Variants in CYP1B1 observed in about 807,000 individuals in gnomAD.
CYP1B1 encodes the protein cytochrome P450 family 1 subfamily B member 1.
In CYP1B1, 22 loss-of-function variants were observed where a neutral mutation model predicts 29.9. The observed-to-expected ratio is 0.74, with a 90% CI of 0.53 to 1.05. CYP1B1 has a LOEUF of 1.05. Among genes scored for constraint, CYP1B1 ranks in the 50% least tolerant of loss-of-function variants. CYP1B1 has a pLI of 0.00. For missense variants in CYP1B1, 883 were observed against 746.9 expected, an observed-to-expected ratio of 1.18 and a Z score of -2.12; for synonymous variants, 375 against 320.0, an observed-to-expected ratio of 1.17 and a Z score of -1.83.
At chr2:38,071,887 T>G (rs2125315107) in intron 2 of CYP1B1, among the ~76,000 whole-genome samples, 2 of 152,344 alleles carry the variant, frequency 1.3e-5, no homozygotes, top group Non-Finnish European at 2.9e-5. Context: ...AAGTAAATTT[T>G]TTTTCTCCCT....
In CYP1B1 at chr2:38,070,938, G is replaced by A. The variant is rs763407370; in HGVS notation, c.1416C>T (p.Gly472=). Residue 472 remains glycine, a synonymous_variant, in exon 3 of 3, where the codon GGC becomes GGT. Transcript: ENST00000610745. ...IFSVGKRRCI[G]EELSKMQLFL... is the part of the protein sequence containing the mutation. ...AAAGCTGCATCTTAGAAAGTTCTTCGCCAATGCACCGCCTTTTGCCCACTG... is the reference window on the plus strand; with the variant it reads ...AAAGCTGCATCTTAGAAAGTTCTTCACCAATGCACCGCCTTTTGCCCACTG... 8.7e-6 allele frequency: 14 copies of A among 1,614,126 alleles called. No homozygotes were observed. The highest frequency in any genetic ancestry group is 1.0e-5 in the Non-Finnish European group (12 of 1,180,028).
In CYP1B1 at chr2:38,074,498, G is replaced by A. The variant is rs746045046; in HGVS notation, c.891C>T (p.Ile297=). 2.5e-6 allele frequency: 4 copies of A among 1,611,504 alleles called. No individual in the cohort carries two copies. Among genetic ancestry groups the A allele is most frequent in the Admixed American group, 3.4e-5 (2 of 59,560 alleles). The change falls in exon 2 of 3, where the codon ATC becomes ATT. Residue 297 remains isoleucine (I), a synonymous_variant. Transcript: ENST00000610745. ...AAPRDMMDAF[I]LSAEKKAAGD... Reference sequence around the variant, plus strand: ...CGGCCGCCTTCTTTTCCGCAGAGAGGATAAAGGCGTCCATCATGTCGCGGG... The same window carrying A: ...CGGCCGCCTTCTTTTCCGCAGAGAGAATAAAGGCGTCCATCATGTCGCGGG...
rs1201744306 is a variant in CYP1B1, at chr2:38,069,464, G to A, written c.*1258C>T. ...TCAACTGGAACTCAATAATCAGAATGGCTTTAAAATTTAGTTAAAATTTAA... is the reference window on the plus strand; with the variant it reads ...TCAACTGGAACTCAATAATCAGAATAGCTTTAAAATTTAGTTAAAATTTAA... On this transcript the variant is annotated 3_prime_UTR_variant, in exon 3 of 3. Transcript: ENST00000610745. 9.8e-6 allele frequency: 2 copies of A among 204,524 alleles called. No homozygotes were observed. The highest frequency in any genetic ancestry group is 2.0e-5 in the Non-Finnish European group (2 of 99,994). The allele number at this position is 204,524 out of a possible 1,614,324, so 12.7% of individuals were successfully genotyped here.
chr2:38,075,173 G>C lies in CYP1B1; in HGVS notation c.216C>G (p.Leu72=), dbSNP rs1682510428. The C allele has an allele frequency of 2.5e-6, 4 of 1,569,752 alleles. No homozygotes were observed. The highest frequency in any genetic ancestry group is 4.6e-5 in the East Asian group (2 of 43,508). ...NAAAVGQAAH[L]SFARLARRYG... ...AGCGCCGCGCCAGGCGAGCGAACGAGAGGTGAGCCGCCTGGCCCACCGCCG... is the reference window on the plus strand; with the variant it reads ...AGCGCCGCGCCAGGCGAGCGAACGACAGGTGAGCCGCCTGGCCCACCGCCG... Residue 72 remains leucine (L), a synonymous_variant, in exon 2 of 3, where the codon CTC becomes CTG. Coordinates refer to ENST00000610745, the MANE Select transcript of CYP1B1 (RefSeq NM_000104.4).
Position 38,074,336 on chromosome 2 carries a change from G to A in CYP1B1, c.1043+10C>T, listed in dbSNP as rs1171363090. The A allele has an allele frequency of 3.1e-6, 5 of 1,612,880 alleles. No individual in the cohort carries two copies. In the South Asian group the frequency reaches 5.5e-5, roughly 18 times the overall value. ...GAAAAGACCTGGCCCACGCCTCCCA[G>A]AGGCTTTACCTGGTGAAGAGGAGGA... On this transcript the variant is annotated intron_variant, in intron 2 of 2. Coordinates refer to ENST00000610745, the MANE Select transcript of CYP1B1 (RefSeq NM_000104.4).
chr2:38,071,161 G>C lies in CYP1B1; in HGVS notation c.1193C>G (p.Thr398Ser). Residue 398 changes from threonine to serine, a missense_variant, in exon 3 of 3, where the codon ACT (threonine) becomes AGT (serine). By Grantham distance (58) the Thr-to-Ser change is moderately conservative. Transcript: ENST00000610745. Reference protein sequence around the residue: ...AMRFSSFVPVTIPHATTANTS... With the variant: ...AMRFSSFVPVSIPHATTANTS... ...GTTGGCAGTGGTGGCATGAGGAATA[G>C]TGACAGGCACAAAGCTGGAGAAGCG... The C allele has an allele frequency of 6.2e-7, 1 of 1,613,766 alleles. No homozygotes were observed. The highest frequency in any genetic ancestry group is 1.3e-5 in the African/African-American group (1 of 75,052).
Position 38,074,423 on chromosome 2 carries a change from G to A in CYP1B1, c.966C>T (p.Ala322=). 1 of 1,613,472 alleles carries A rather than the reference G, an allele frequency of 6.2e-7. No individual in the cohort carries two copies. The highest frequency in any genetic ancestry group is 2.2e-5 in the East Asian group (1 of 44,864). Residue 322 remains alanine, a synonymous_variant, in exon 2 of 3, where the codon GCC becomes GCT. Transcript: ENST00000610745. The part of the protein sequence containing the change: ...GARLDLENVP[A]TITDIFGASQ... ...TGGCGCCGAAGATGTCAGTGATAGT[G>A]GCCGGTACGTTCTCCAAATCCAGCC... is the stretch of plus-strand genomic sequence containing the variant.
intron 2 of CYP1B1, among the ~76,000 whole-genome samples, chr2:38,073,019 CAA>C (rs145724917): frequency 9.1e-4 from 138 of 152,308 alleles, no homozygotes; most frequent in East Asian, 7.1e-3. Flanking sequence ...AAGGCCGTTT[CAA>C]AAGTTAAAAT....
intron 1 of CYP1B1, 112 bp from the exon 2 acceptor site, chr2:38,075,501 G>T: frequency 9.3e-7 from 1 of 1,077,470 alleles, no homozygotes; most frequent in Non-Finnish European, 1.4e-6. Context: ...GGAGAGGTCG[G>T]AGCTGACTCT....
intron 2 of CYP1B1, among the ~76,000 whole-genome samples, chr2:38,071,981 T>C (rs1682441286): frequency 6.6e-6 from 1 of 152,210 alleles, no homozygotes; most frequent in South Asian, 2.1e-4. Context: ...AGCTACATAC[T>C]GTATTTTTTA....
intron 2 of CYP1B1, chr2:38,073,773 A>G (rs1311802092): frequency 6.5e-6 from 1 of 153,586 alleles, no homozygotes; most frequent in African/African-American, 2.4e-5. Flanking sequence ...GCTGCCCGCT[A>G]GTTGTGGCCG....
intron 1 of CYP1B1, 58 bp downstream of exon 1, chr2:38,075,722 T>G: frequency 2.4e-6 from 1 of 424,642 alleles, no homozygotes; most frequent in Non-Finnish European, 4.4e-6. Context: ...CGCCACCCGC[T>G]ACCTGTAATA....
chr2:38,070,372 G>T lies in CYP1B1; in HGVS notation c.*350C>A, dbSNP rs162562. ...AAAATGGCCTGGTTACCAAAATACT[G>T]CTTCATTCAGTAGTTTGGTGTAAGT... is the stretch of plus-strand genomic sequence containing the variant. On this transcript the variant is annotated 3_prime_UTR_variant, in exon 3 of 3. Coordinates refer to ENST00000610745, the MANE Select transcript of CYP1B1 (RefSeq NM_000104.4). The T allele has an allele frequency of 0.74, 233,909 of 317,726 alleles. 89,900 individuals carry two copies. The highest frequency in any genetic ancestry group is 0.9 in the South Asian group (14,887 of 16,472). The allele number at this position is 317,726 out of a possible 1,614,324, so 19.7% of individuals were successfully genotyped here.
chr2:38,074,471 C>A lies in CYP1B1; in HGVS notation c.918G>T (p.Gly306=). Residue 306 remains glycine (G), a synonymous_variant, in exon 2 of 3, where the codon GGG becomes GGT. Coordinates refer to ENST00000610745, the MANE Select transcript of CYP1B1 (RefSeq NM_000104.4). ...FILSAEKKAA[G]DSHGGGARLD... ...GCCGCGCGCCACCACCGTGCGAGTC[C>A]CCGGCCGCCTTCTTTTCCGCAGAGA... 6.2e-7 allele frequency: 1 copy of A among 1,612,828 alleles called. No homozygotes were observed. The highest frequency in any genetic ancestry group is 1.1e-5 in the South Asian group (1 of 90,908).
At chr2:38,072,243 C>T (rs1222603629) in intron 2 of CYP1B1, among the ~76,000 whole-genome samples, 2 of 152,082 alleles carry the variant, frequency 1.3e-5, no homozygotes, top group African/African-American at 2.4e-5. Flanking sequence ...TAAAAATTAG[C>T]CAGGCATGGT....
In CYP1B1 at chr2:38,074,443, C is replaced by G; in HGVS notation, c.946G>C (p.Asp316His). Residue 316 changes from aspartate (D) to histidine (H), a missense_variant, in exon 2 of 3, where the codon GAT (aspartate) becomes CAT (histidine). By Grantham distance (81) the Asp-to-His change is moderately conservative. Transcript: ENST00000610745. ...ATAGTGGCCGGTACGTTCTCCAAATCCAGCCGCGCGCCACCACCGTGCGAG... is the reference window on the plus strand; with the variant it reads ...ATAGTGGCCGGTACGTTCTCCAAATGCAGCCGCGCGCCACCACCGTGCGAG... Reference protein sequence around the residue: ...GDSHGGGARLDLENVPATITD... With the variant: ...GDSHGGGARLHLENVPATITD... 2 of 1,613,270 alleles carry G rather than the reference C, an allele frequency of 1.2e-6. No individual in the cohort carries two copies. The highest frequency in any genetic ancestry group is 1.7e-6 in the Non-Finnish European group (2 of 1,179,860).
At position 38,075,300 on chromosome 2, in the gene CYP1B1, A is replaced by T; in HGVS notation, c.89T>A (p.Leu30Gln). 1 of 1,611,154 alleles carries T rather than the reference A, an allele frequency of 6.2e-7. No homozygotes were observed. The highest frequency in any genetic ancestry group is 8.5e-7 in the Non-Finnish European group (1 of 1,179,490). Residue 30 changes from leucine (L) to glutamine (Q), a missense_variant, in exon 2 of 3, where the codon CTG becomes CAG. Physicochemically the swap from Leu to Gln is moderately radical, Grantham distance 113. Transcript: ENST00000610745. ...CCGCTGGCCCACATGCACAGTGGCC[A>T]GCACCGACAGGAGTAGCAGGAGCGT... ...QTTLLLLLSV[L>Q]ATVHVGQRLL...
chr2:38,076,046 G>A lies in CYP1B1; in HGVS notation c.-268C>T, dbSNP rs146603044. 4.2e-3 allele frequency: 659 copies of A among 155,522 alleles called. 2 individuals carry two copies. The highest frequency in any genetic ancestry group is 6.9e-3 in the Non-Finnish European group (482 of 69,988). 9.6% of individuals were successfully genotyped at this position (155,522 alleles called of 1,614,324 possible). On this transcript the variant is annotated 5_prime_UTR_variant, in exon 1 of 3. In the 5' UTR this introduces an upstream ATG that the reference lacks. Transcript: ENST00000610745. ...GGCAAAGTCGAGGTTTCCTCACAGC[G>A]TTGAGATTGAGACTGGGGGTCGGTG...
In CYP1B1 at chr2:38,070,782, C is replaced by A. The variant is rs753875819; in HGVS notation, c.1572G>T (p.Glu524Asp). ...CAGCACTATCAAGGAGCTCCATGGA[C>A]TCTCTGAGAGTGACATTGACTTTAA... ...KSFKVNVTLRESMELLDSAVQ... is the reference protein window; with the variant it reads ...KSFKVNVTLRDSMELLDSAVQ... The change falls in exon 3 of 3, where the codon GAG becomes GAT. Residue 524 changes from glutamate (E) to aspartate (D), a missense_variant. Coordinates refer to ENST00000610745, the MANE Select transcript of CYP1B1 (RefSeq NM_000104.4). 1 of 1,614,228 alleles carries A rather than the reference C, an allele frequency of 6.2e-7. No homozygotes were observed.
Sources: gnomAD v4.1 joint callset for allele counts (sites outside exome capture counted in the v4.1 genomes callset) on GRCh38, gnomAD v4.1.1 for gene constraint, MANE v1.5 for transcripts, NCBI Gene and HGNC (gene_info 2026-07-23, HGNC 2026-07-21) for gene names.